The following NEGR1 variants were observed in gnomAD, a reference collection of about 807,000 sequenced individuals.
NEGR1 encodes IgLON family member 4.
In NEGR1, 10 loss-of-function variants were observed where a neutral mutation model predicts 40.9. The observed-to-expected ratio is 0.24, with a 90% CI of 0.15 to 0.42. The LOEUF (loss-of-function observed/expected upper bound fraction) is 0.42, where lower values mean the gene tolerates loss of function less well. Among genes scored for constraint, NEGR1 ranks in the 10% least tolerant of loss-of-function variants. The pLI, the probability that NEGR1 is intolerant of heterozygous loss-of-function variation, is 1.00. For missense variants in NEGR1, 352 were observed against 438.9 expected (o/e 0.80, Z 1.77); for synonymous variants, 185 against 166.8 (o/e 1.11, Z -0.84).
chr1:71,548,495 T>C (rs1040410661), intron 6 of NEGR1, among the ~76,000 whole-genome samples: 2 of 151,684 alleles, frequency 1.3e-5, no homozygotes, highest in African/African-American at 4.8e-5. Context: ...GAGATCCTTT[T>C]AGGCATTGGG....
intron 4 of NEGR1, among the ~76,000 whole-genome samples, chr1:71,650,572 A>C (rs1382106918): frequency 6.6e-6 from 1 of 152,200 alleles, no homozygotes; most frequent in African/African-American, 2.4e-5. Context: ...GTTCTCAAGA[A>C]AAGGCTGTGC....
At chr1:71,462,816 G>T (rs927914890) in intron 6 of NEGR1, among the ~76,000 whole-genome samples, 2 of 152,032 alleles carry the variant, frequency 1.3e-5, no homozygotes, top group African/African-American at 4.8e-5. Flanking sequence ...ATTAGTATTG[G>T]CAAAATTAAG....
intron 1 of NEGR1, among the ~76,000 whole-genome samples, chr1:72,219,006 TCTC>T (rs1406422159): frequency 1.3e-5 from 2 of 152,036 alleles, no homozygotes; most frequent in East Asian, 3.9e-4. Flanking sequence ...AGCTTCATCT[TCTC>T]CACACAATGA....
chr1:71,462,108 G>C (rs950438533), intron 6 of NEGR1, among the ~76,000 whole-genome samples: 1 of 152,126 alleles, frequency 6.6e-6, no homozygotes, highest in Non-Finnish European at 1.5e-5. Context: ...AGCACTGTTA[G>C]AGTAGTAGAT....
chr1:71,773,902 TA>T (rs1656414115), intron 3 of NEGR1, among the ~76,000 whole-genome samples: 1 of 152,166 alleles, frequency 6.6e-6, no homozygotes, highest in African/African-American at 2.4e-5. Flanking sequence ...CAAGCACTTT[TA>T]AAAAGAAGAA....
At chr1:72,062,280 T>C (rs903802434) in intron 1 of NEGR1, among the ~76,000 whole-genome samples, 1 of 151,870 alleles carries the variant, frequency 6.6e-6, no homozygotes, top group Non-Finnish European at 1.5e-5. Flanking sequence ...CCTTCCAATA[T>C]CACCCATTCT....
intron 6 of NEGR1, among the ~76,000 whole-genome samples, chr1:71,496,334 G>A (rs1050608343): frequency 1.3e-5 from 2 of 152,068 alleles, no homozygotes; most frequent in African/African-American, 4.8e-5. Context: ...AGAACTAGAA[G>A]GAATTGGAGG....
intron 4 of NEGR1, among the ~76,000 whole-genome samples, chr1:71,626,258 C>A (rs1346618820): frequency 1.3e-5 from 2 of 151,858 alleles, no homozygotes; most frequent in Admixed American, 1.3e-4. Flanking sequence ...ATGTGCACAA[C>A]ATGCAGGTTT....
At chr1:71,805,808 T>A (rs928166824) in intron 2 of NEGR1, among the ~76,000 whole-genome samples, 2 of 152,206 alleles carry the variant, frequency 1.3e-5, no homozygotes, top group African/African-American at 4.8e-5. Flanking sequence ...TTCTCAGTAA[T>A]AGGCAGAAGA....
intron 1 of NEGR1, among the ~76,000 whole-genome samples, chr1:72,250,402 T>C (rs974860472): frequency 6.6e-6 from 1 of 152,114 alleles, no homozygotes; most frequent in Non-Finnish European, 1.5e-5. Context: ...GCTTAACATA[T>C]ACAAGCATAT....
chr1:71,913,307 G>T (rs887092522), intron 2 of NEGR1, among the ~76,000 whole-genome samples: 7 of 152,014 alleles, frequency 4.6e-5, no homozygotes, highest in Admixed American at 4.6e-4. Context: ...TAGTGATGGG[G>T]TTCCGCCATG....
intron 1 of NEGR1, among the ~76,000 whole-genome samples, chr1:72,197,933 G>T (rs116762627): frequency 0.013 from 1,968 of 152,038 alleles, 43 homozygotes; most frequent in African/African-American, 0.045. Context: ...ATTTTCCTTT[G>T]CATTTTTTGT....
chr1:71,633,995 T>A (rs563657807), intron 4 of NEGR1, among the ~76,000 whole-genome samples: 3 of 151,628 alleles, frequency 2.0e-5, no homozygotes, highest in Non-Finnish European at 4.4e-5. Flanking sequence ...GGAGAAAAAA[T>A]TCACATTCAT....
intron 6 of NEGR1, among the ~76,000 whole-genome samples, chr1:71,530,144 AT>A (rs1206954688): frequency 6.6e-6 from 1 of 151,332 alleles, no homozygotes; most frequent in African/African-American, 2.4e-5. Flanking sequence ...GTTATTTTAC[AT>A]TCTCTTTTTC....
chr1:72,215,263 T>C (rs1653757828), intron 1 of NEGR1, among the ~76,000 whole-genome samples: 1 of 152,026 alleles, frequency 6.6e-6, no homozygotes, highest in African/African-American at 2.4e-5. Flanking sequence ...ATAAAAATCC[T>C]AGAAGAAAAC....
At chr1:72,261,242 T>C (rs1054160481) in intron 1 of NEGR1, among the ~76,000 whole-genome samples, 8 of 152,122 alleles carry the variant, frequency 5.3e-5, no homozygotes, top group Admixed American at 2.0e-4. Context: ...TTTACATTTA[T>C]TGTCACTTAA....
intron 1 of NEGR1, among the ~76,000 whole-genome samples, chr1:72,135,384 A>C (rs1270036269): frequency 7.3e-6 from 1 of 136,338 alleles, no homozygotes; most frequent in Non-Finnish European, 1.5e-5. Flanking sequence ...TCAAAAAAAA[A>C]AAAAACAAAA....
intron 1 of NEGR1, among the ~76,000 whole-genome samples, chr1:71,996,107 T>A (rs1244264953): frequency 6.6e-6 from 1 of 152,176 alleles, no homozygotes; most frequent in African/African-American, 2.4e-5. Flanking sequence ...ATTTTCTGTG[T>A]AGCCCCTTGT....
At chr1:71,922,370 A>G (rs968856170) in intron 2 of NEGR1, among the ~76,000 whole-genome samples, 13 of 152,222 alleles carry the variant, frequency 8.5e-5, no homozygotes, top group Admixed American at 1.3e-4. Flanking sequence ...TGTGGGGGCA[A>G]CATAGAGCAT....
Sources: allele counts gnomAD v4.1 joint callset (sites outside exome capture counted in the v4.1 genomes callset), GRCh38; gene constraint gnomAD v4.1.1; transcripts MANE v1.5; gene names NCBI Gene and HGNC (gene_info 2026-07-23, HGNC 2026-07-21).